EIF4A1: variants seen among roughly 807,000 people sequenced by gnomAD.
EIF4A1 encodes eukaryotic translation initiation factor 4A1.
A neutral mutation model predicts 53.5 loss-of-function variants in EIF4A1; 11 were observed. The observed-to-expected ratio is 0.21, with a 90% CI of 0.13 to 0.34. The LOEUF (loss-of-function observed/expected upper bound fraction) is 0.34, where lower values mean the gene tolerates loss of function less well. Ranked by LOEUF, EIF4A1 falls within the 10% of genes least tolerant of loss-of-function variation. The pLI is 1.00. For missense variants in EIF4A1, 213 were observed against 530.8 expected (o/e 0.40, Z 5.88); for synonymous variants, 237 against 186.7 (o/e 1.27, Z -2.20).
rs779690652 is a variant in EIF4A1, at chr17:7,577,506, GGC to G, written c.768+21_768+22del. On this transcript the variant is annotated intron_variant, in intron 7 of 10. Coordinates refer to ENST00000293831, the MANE Select transcript of EIF4A1 (RefSeq NM_001416.4). This position sits in a 1 kb window ranked among gnomAD's most constrained non-coding sequence, Gnocchi z 4.7. The stretch of plus-strand genomic sequence containing the variant: ...ACGAGAGGTGGGGCCCAGTGCAGGA[GGC>G]GGGCCTGGTAGTGAGTTGTTGGGTA... The G allele has an allele frequency of 1.1e-4, 175 of 1,613,918 alleles. No individual in the cohort carries two copies. The African/African-American group carries it at 2.0e-3, about 19-fold the overall frequency.
At chr17:7,576,809 C>T in intron 5 of EIF4A1, 117 bp downstream of exon 5, 1 of 1,529,660 alleles carries the variant, frequency 6.5e-7, no homozygotes. Flanking sequence ...GGGGGAAGAG[C>T]TGCTCTGTGA....
Position 7,574,696 on chromosome 17 carries a change from C to T in EIF4A1, c.205+18C>T, listed in dbSNP as rs747538095. 3 of 1,612,160 alleles carry T rather than the reference C, an allele frequency of 1.9e-6. No homozygotes were observed. The highest frequency in any genetic ancestry group is 2.2e-5 in the East Asian group (1 of 44,888). On this transcript the variant is annotated intron_variant, in intron 3 of 10. Coordinates refer to ENST00000293831, the MANE Select transcript of EIF4A1 (RefSeq NM_001416.4). The stretch of plus-strand genomic sequence containing the variant: ...TATCAAGGGTGAGACCTCTCAGTCC[C>T]AGAAGACATTGTGGACTGTCCCTGA...
At chr17:7,576,973 G>GT (rs770974722) in intron 5 of EIF4A1, 83 bp from the exon 6 acceptor site, 1 of 1,543,938 alleles carries the variant, frequency 6.5e-7, no homozygotes, top group South Asian at 1.1e-5. Flanking sequence ...GCTCCTCTCT[G>GT]TTTTTTATCA....
At position 7,577,723 on chromosome 17, in the gene EIF4A1, C is replaced by T. The variant is rs1172376202; in HGVS notation, c.906+17C>T. ...TCCGCCATGGTGTGTTTGCCCGCTG[C>T]CAGCCTGTTGTGGGTCTGCCCGTCA... On this transcript the variant is annotated intron_variant, in intron 8 of 10. Coordinates refer to ENST00000293831, the MANE Select transcript of EIF4A1 (RefSeq NM_001416.4). This position sits in a 1 kb window ranked among gnomAD's most constrained non-coding sequence, Gnocchi z 4.7. 1.2e-6 allele frequency: 2 copies of T among 1,613,646 alleles called. No homozygotes were observed. The highest frequency in any genetic ancestry group is 1.6e-4 in the Middle Eastern group (1 of 6,062).
intron 5 of EIF4A1, 127 bp from the exon 6 acceptor site, chr17:7,576,929 G>T: frequency 1.5e-6 from 2 of 1,361,096 alleles, no homozygotes; most frequent in Non-Finnish European, 2.1e-6. Flanking sequence ...CTGGGCAAAG[G>T]ATCAGTCTTT....
At chr17:7,573,233 C>T (rs1482603705) in intron 1 of EIF4A1, 8 of 400,938 alleles carry the variant, frequency 2.0e-5, no homozygotes, top group Non-Finnish European at 2.7e-5. Context: ...CGGTTGCCTC[C>T]CTGTGCCGGG....
chr17:7,574,605 C>T lies in EIF4A1; in HGVS notation c.132C>T (p.Leu44=). The change falls in exon 3 of 11, where the codon CTC becomes CTT. Residue 44 remains leucine, a synonymous_variant. Coordinates refer to ENST00000293831, the MANE Select transcript of EIF4A1 (RefSeq NM_001416.4). Reference sequence around the variant, plus strand: ...ACATGAACCTCTCGGAGTCCCTTCTCCGTGGCATCTACGCGTATGGTTTTG... The same window carrying T: ...ACATGAACCTCTCGGAGTCCCTTCTTCGTGGCATCTACGCGTATGGTTTTG... ...FDDMNLSESL[L]RGIYAYGFEK... 1.9e-6 allele frequency: 3 copies of T among 1,612,292 alleles called. No homozygotes were observed. Among genetic ancestry groups the T allele is most frequent in the African/African-American group, 1.3e-5 (1 of 74,972 alleles).
chr17:7,576,396 T>C, intron 4 of EIF4A1, 128 bp from the exon 5 acceptor site: 2 of 1,247,196 alleles, frequency 1.6e-6, no homozygotes, highest in Non-Finnish European at 2.1e-6. Flanking sequence ...GTTTCTCAGC[T>C]GAATGTGAGT....
rs894992239 is a variant in EIF4A1 at position 7,573,131 on chromosome 17, C to T, written c.23+267C>T. 8 of 598,920 alleles carry T rather than the reference C, an allele frequency of 1.3e-5. No homozygotes were observed. In the African/African-American group the frequency reaches 1.5e-4, roughly 11 times the overall value. 37.1% of individuals were successfully genotyped at this position (598,920 alleles called of 1,614,324 possible). On this transcript the variant is annotated intron_variant, in intron 1 of 10. Transcript: ENST00000293831. ...CCGAGGCGGTGCCATGCGCGAAGCC[C>T]CGGCGCTGAGTGGCGAGACGGGGTC...
Position 7,577,720 on chromosome 17 carries a change from C to T in EIF4A1, c.906+14C>T, listed in dbSNP as rs748520404. ...GTATCCGCCATGGTGTGTTTGCCCG[C>T]TGCCAGCCTGTTGTGGGTCTGCCCG... On this transcript the variant is annotated intron_variant, in intron 8 of 10. Transcript: ENST00000293831. This position sits in a 1 kb window ranked among gnomAD's most constrained non-coding sequence, Gnocchi z 4.7. 2 of 1,613,800 alleles carry T rather than the reference C, an allele frequency of 1.2e-6. No individual in the cohort carries two copies. Among genetic ancestry groups the T allele is most frequent in the Non-Finnish European group, 1.7e-6 (2 of 1,179,998 alleles).
Position 7,577,189 on chromosome 17 carries a change from G to A in EIF4A1, c.624+24G>A, listed in dbSNP as rs368882645. ...AGGTGAGGGCAGTCTTGCTTGAATA[G>A]CTAATGATTCTTGAAAAATAGTAAG... On this transcript the variant is annotated intron_variant, in intron 6 of 10. Transcript: ENST00000293831. This position sits in a 1 kb window ranked among gnomAD's most constrained non-coding sequence, Gnocchi z 4.7. 149 of 1,574,386 alleles carry A rather than the reference G, an allele frequency of 9.5e-5. No individual in the cohort carries two copies. Among genetic ancestry groups the A allele is most frequent in the Middle Eastern group, 3.4e-4 (2 of 5,854 alleles).
At chr17:7,578,087 C>T in intron 9 of EIF4A1, 78 bp from the exon 10 acceptor site, 3 of 1,601,862 alleles carry the variant, frequency 1.9e-6, no homozygotes, top group Non-Finnish European at 2.6e-6. Flanking sequence ...TGGCTGCCCA[C>T]ATGGATGCCT....
chr17:7,577,778 G>T lies in EIF4A1; in HGVS notation c.907-49G>T. The T allele has an allele frequency of 6.2e-7, 1 of 1,614,036 alleles. No individual in the cohort carries two copies. The highest frequency in any genetic ancestry group is 8.5e-7 in the Non-Finnish European group (1 of 1,180,026). On this transcript the variant is annotated intron_variant, in intron 8 of 10. Transcript: ENST00000293831. This position sits in a 1 kb window ranked among gnomAD's most constrained non-coding sequence, Gnocchi z 4.7. ...TGTCCTACTTGAAGCCAGGGTTCCT[G>T]GAACCCAGGTGCCTACCTGGTCTGC...
chr17:7,576,950 A>G, intron 5 of EIF4A1, 106 bp from the exon 6 acceptor site: 2 of 1,403,820 alleles, frequency 1.4e-6, no homozygotes, highest in Non-Finnish European at 2.0e-6. Context: ...GTACTCTGAG[A>G]GCAGACTACT....
At position 7,577,030 on chromosome 17, in the gene EIF4A1, A is replaced by C. The variant is rs941398465; in HGVS notation, c.515-26A>C. On this transcript the variant is annotated intron_variant, in intron 5 of 10. Coordinates refer to ENST00000293831, the MANE Select transcript of EIF4A1 (RefSeq NM_001416.4). This position sits in a 1 kb window ranked among gnomAD's most constrained non-coding sequence, Gnocchi z 4.7. ...CCACATTTCCCTAATCATATGCTAT[A>C]TATTGGCTTTTTTTTTCTTCTCTAG... is the stretch of plus-strand genomic sequence containing the variant. The C allele has an allele frequency of 6.2e-7, 1 of 1,612,136 alleles. No homozygotes were observed. Among genetic ancestry groups the C allele is most frequent in the African/African-American group, 1.3e-5 (1 of 74,818 alleles).
Position 7,574,071 on chromosome 17 carries a change from C to T in EIF4A1, c.24-189C>T, listed in dbSNP as rs2071365963. 1.9e-5 allele frequency: 12 copies of T among 648,466 alleles called. No individual in the cohort carries two copies. The Admixed American group carries it at 2.2e-4, about 12-fold the overall frequency. 40.2% of individuals were successfully genotyped at this position (648,466 alleles called of 1,614,324 possible). Reference sequence around the variant, plus strand: ...GGGGGTGGCCTGGCCTGAGCCGCTGCCTGCATGGGGCAAATGCCTCAGTTT... The same window carrying T: ...GGGGGTGGCCTGGCCTGAGCCGCTGTCTGCATGGGGCAAATGCCTCAGTTT... On this transcript the variant is annotated intron_variant, in intron 1 of 10. Coordinates refer to ENST00000293831, the MANE Select transcript of EIF4A1 (RefSeq NM_001416.4).
chr17:7,572,908 G>A (rs758901456), intron 1 of EIF4A1, 44 bp downstream of exon 1: 5 of 1,614,100 alleles, frequency 3.1e-6, no homozygotes, highest in Middle Eastern at 1.6e-4. Context: ...TTATTTTGCC[G>A]CCCCCTTCCG....
chr17:7,578,315 T>C (rs375619433), intron 10 of EIF4A1, 27 bp from the exon 11 acceptor site: 32 of 1,613,266 alleles, frequency 2.0e-5, no homozygotes, highest in African/African-American at 9.3e-5. Context: ...GCTCCTGATA[T>C]TCCTCATCCC....
Position 7,574,608 on chromosome 17 carries a change from T to C in EIF4A1, c.135T>C (p.Arg45=). ...TGAACCTCTCGGAGTCCCTTCTCCG[T>C]GGCATCTACGCGTATGGTTTTGAGA... ...DDMNLSESLL[R]GIYAYGFEKP... The change falls in exon 3 of 11, where the codon CGT becomes CGC. Residue 45 remains arginine, a synonymous_variant. Transcript: ENST00000293831. 1 of 1,612,268 alleles carries C rather than the reference T, an allele frequency of 6.2e-7. No homozygotes were observed. The highest frequency in any genetic ancestry group is 8.5e-7 in the Non-Finnish European group (1 of 1,180,004).
Sources: gnomAD v4.1 joint callset for allele counts on GRCh38, gnomAD v4.1.1 for gene constraint, Gnocchi (gnomAD v3.1) non-coding constraint, MANE v1.5 for transcripts, NCBI Gene and HGNC (gene_info 2026-07-23, HGNC 2026-07-21) for gene names.